MMP16: variants seen among roughly 807,000 people sequenced by gnomAD.
The protein encoded by MMP16 is matrix metalloproteinase-16.
Under a neutral mutation model 67.8 loss-of-function variants are expected in MMP16, and 12 were observed. The observed-to-expected ratio is 0.18, with a 90% CI of 0.11 to 0.29. The LOEUF (loss-of-function observed/expected upper bound fraction) is 0.29. Among genes scored for constraint, MMP16 ranks in the 10% least tolerant of loss-of-function variants. The probability of loss-of-function intolerance (pLI) is 1.00; values close to 1 mark genes in which losing one functional copy is unlikely to be tolerated. For synonymous variants in MMP16, 249 were observed against 255.9 expected (o/e 0.97, Z 0.26); for missense variants, 475 against 765.7 (o/e 0.62, Z 4.48).
chr8:88,183,613 C>T (rs1481605544), intron 3 of MMP16, among the ~76,000 whole-genome samples: 1 of 151,826 alleles, frequency 6.6e-6, no homozygotes. Flanking sequence ...CTGCTGTTGC[C>T]TCTTAAAGAT....
intron 6 of MMP16, among the ~76,000 whole-genome samples, chr8:88,090,547 G>C (rs1205807086): frequency 6.6e-6 from 1 of 151,866 alleles, no homozygotes; most frequent in Non-Finnish European, 1.5e-5. Context: ...CACAAAATGA[G>C]TGAGTTGGTA....
At chr8:88,268,883 T>C (rs746979836) in intron 1 of MMP16, among the ~76,000 whole-genome samples, 4 of 152,174 alleles carry the variant, frequency 2.6e-5, no homozygotes, top group Non-Finnish European at 5.9e-5. Flanking sequence ...CCCAGTGTGT[T>C]TGTTGCCTTC....
chr8:88,065,410 G>T (rs1234719489), intron 7 of MMP16, among the ~76,000 whole-genome samples: 5 of 151,850 alleles, frequency 3.3e-5, no homozygotes, highest in Non-Finnish European at 5.9e-5. Flanking sequence ...ATAAGTAGAG[G>T]TATATTAGCA....
chr8:88,317,292 G>A (rs1380493438), intron 1 of MMP16, among the ~76,000 whole-genome samples: 1 of 152,086 alleles, frequency 6.6e-6, no homozygotes, highest in East Asian at 1.9e-4. Context: ...GTTGTTTCAA[G>A]AAGCTGCCAC....
intron 1 of MMP16, among the ~76,000 whole-genome samples, chr8:88,204,837 T>A (rs1000819923): frequency 1.3e-5 from 2 of 152,206 alleles, no homozygotes; most frequent in Admixed American, 1.3e-4. Flanking sequence ...AATATCTAGA[T>A]ATTAGATTCT....
rs150810234 is a variant in MMP16, at chr8:88,204,121, A to G, written c.133-6815T>C. ...CCCTACTTTAAAATCCCAGCAACAG[A>G]ATTTTCCATCTGTAAAATAATCTGC... On this transcript the variant is annotated intron_variant, in intron 1 of 9. Coordinates refer to ENST00000286614, the MANE Select transcript of MMP16 (RefSeq NM_005941.5). Among the ~76,000 whole-genome samples, 433 of 152,326 alleles carry G rather than the reference A, an allele frequency of 2.8e-3. 4 individuals carry two copies. Among genetic ancestry groups the G allele is most frequent in the African/African-American group, 1.0e-2 (414 of 41,576 alleles).
intron 1 of MMP16, among the ~76,000 whole-genome samples, chr8:88,245,918 T>G (rs1586224021): frequency 6.6e-6 from 1 of 152,186 alleles, no homozygotes; most frequent in East Asian, 1.9e-4. Context: ...ATCAATTCTA[T>G]AAATAAAAAT....
At chr8:88,097,926 A>C (rs1183390480) in intron 6 of MMP16, among the ~76,000 whole-genome samples, 1 of 151,896 alleles carries the variant, frequency 6.6e-6, no homozygotes, top group Non-Finnish European at 1.5e-5. Flanking sequence ...TTAAGGGCAC[A>C]CTACTCCAGA....
chr8:88,181,934 G>C (rs1010620182), intron 3 of MMP16, among the ~76,000 whole-genome samples: 3 of 152,042 alleles, frequency 2.0e-5, no homozygotes, highest in Non-Finnish European at 2.9e-5. Context: ...AATGGTGTTA[G>C]AACAACTGGA....
intron 1 of MMP16, among the ~76,000 whole-genome samples, chr8:88,317,767 A>G (rs900745620): frequency 6.6e-6 from 1 of 152,174 alleles, no homozygotes; most frequent in Admixed American, 6.5e-5. Context: ...TACATACAAG[A>G]ACAATCTTAG....
intron 6 of MMP16, among the ~76,000 whole-genome samples, chr8:88,092,739 T>G (rs576573232): frequency 6.6e-6 from 1 of 152,048 alleles, no homozygotes; most frequent in South Asian, 2.1e-4. Flanking sequence ...AATTAAAAAA[T>G]ACATTGACTT....
In MMP16 at chr8:88,271,002, G is replaced by A. The variant is rs188022919; in HGVS notation, c.132+56073C>T. On this transcript the variant is annotated intron_variant, in intron 1 of 9. Coordinates refer to ENST00000286614, the MANE Select transcript of MMP16 (RefSeq NM_005941.5). ...ACCCAGACCTGGCATAGTGCCTGGC[G>A]TTTGCTAGATGAATGAATAATAAAT... Among the ~76,000 whole-genome samples, 368 of 152,174 alleles carry A rather than the reference G, an allele frequency of 2.4e-3. 2 individuals are homozygous for A. The Middle Eastern group carries it at 0.027, about 11-fold the overall frequency.
At position 88,315,108 on chromosome 8, in the gene MMP16, T is replaced by G. The variant is rs192078721; in HGVS notation, c.132+11967A>C. Among the ~76,000 whole-genome samples, 830 of 152,308 alleles carry G rather than the reference T, an allele frequency of 5.4e-3. 9 individuals are homozygous for G. The highest frequency in any genetic ancestry group is 0.019 in the African/African-American group (787 of 41,578). ...CTGTTCAAACATTTTGTCCATTTTT[T>G]GGGATGGGATAGGCATACCTCCGTT... On this transcript the variant is annotated intron_variant, in intron 1 of 9. Transcript: ENST00000286614.
intron 7 of MMP16, among the ~76,000 whole-genome samples, chr8:88,064,247 C>T (rs976096535): frequency 3.9e-5 from 6 of 152,048 alleles, no homozygotes; most frequent in Non-Finnish European, 5.9e-5. Context: ...AATTCCTTAA[C>T]GGTTTGATTT....
chr8:88,316,533 T>A (rs1811376678), intron 1 of MMP16, among the ~76,000 whole-genome samples: 1 of 152,190 alleles, frequency 6.6e-6, no homozygotes, highest in Non-Finnish European at 1.5e-5. Flanking sequence ...TTTTACAGCA[T>A]GGTTTACTGA....
chr8:88,287,120 G>A (rs1326456785), intron 1 of MMP16, among the ~76,000 whole-genome samples: 1 of 152,160 alleles, frequency 6.6e-6, no homozygotes, highest in African/African-American at 2.4e-5. Flanking sequence ...TGAGGACTAT[G>A]AAAGCTTAAG....
intron 4 of MMP16, among the ~76,000 whole-genome samples, chr8:88,158,078 A>G (rs1808545585): frequency 1.3e-5 from 2 of 151,998 alleles, no homozygotes; most frequent in East Asian, 3.9e-4. Context: ...TCATTGTTGG[A>G]CATTTGGGTT....
chr8:88,294,235 C>CAT (rs535432462), intron 1 of MMP16, among the ~76,000 whole-genome samples: 1 of 149,058 alleles, frequency 6.7e-6, no homozygotes, highest in African/African-American at 2.5e-5. Flanking sequence ...TATACACACA[C>CAT]ATATATATAC....
intron 6 of MMP16, among the ~76,000 whole-genome samples, chr8:88,104,103 C>T (rs1172189606): frequency 6.6e-6 from 1 of 151,682 alleles, no homozygotes; most frequent in Non-Finnish European, 1.5e-5. Context: ...ACAGTCTTCA[C>T]ATTTATAAAG....
Sources: gnomAD v4.1 joint callset for allele counts (sites outside exome capture counted in the v4.1 genomes callset) on GRCh38, gnomAD v4.1.1 for gene constraint, MANE v1.5 for transcripts, NCBI Gene and HGNC (gene_info 2026-07-23, HGNC 2026-07-21) for gene names.